The following GPR39 variants were observed in gnomAD, a reference collection of about 807,000 sequenced individuals.
The protein encoded by GPR39 is zinc sensing receptor.
A neutral mutation model predicts 18.4 loss-of-function variants in GPR39; 23 were observed. The observed-to-expected ratio is 1.25, with a 90% confidence interval of 0.90 to 1.77. GPR39 has a LOEUF of 1.77. GPR39 is among the 40% of genes most tolerant of loss of function. The pLI, the probability that GPR39 is intolerant of heterozygous loss-of-function variation, is 0.00. For synonymous variants in GPR39, 280 were observed against 257.9 expected (o/e 1.09, Z -0.82); for missense variants, 647 against 602.4 (o/e 1.07, Z -0.78).
intron 1 of GPR39, among the ~76,000 whole-genome samples, chr2:132,436,980 A>C (rs1680335476): frequency 6.6e-6 from 1 of 152,240 alleles, no homozygotes; most frequent in Non-Finnish European, 1.5e-5. Context: ...AGGCAGGTGC[A>C]GTTAATTATC....
At chr2:132,529,087 CA>C (rs767169276) in intron 1 of GPR39, among the ~76,000 whole-genome samples, 3 of 152,144 alleles carry the variant, frequency 2.0e-5, no homozygotes, top group Non-Finnish European at 2.9e-5. Context: ...CACAAGGGGT[CA>C]GGGAATTCCC....
chr2:132,578,895 ATGT>A (rs1172069980), intron 1 of GPR39, among the ~76,000 whole-genome samples: 1 of 152,084 alleles, frequency 6.6e-6, no homozygotes, highest in African/African-American at 2.4e-5. Context: ...CTTGCTAGAA[ATGT>A]TTCAAGTTCA....
intron 1 of GPR39, among the ~76,000 whole-genome samples, chr2:132,520,473 T>C (rs1295285622): frequency 6.6e-6 from 1 of 152,204 alleles, no homozygotes; most frequent in African/African-American, 2.4e-5. Context: ...GAACTGCCTT[T>C]CCTCTCTGTT....
intron 1 of GPR39, among the ~76,000 whole-genome samples, chr2:132,618,679 C>G (rs1177558487): frequency 6.6e-6 from 1 of 152,188 alleles, no homozygotes; most frequent in Non-Finnish European, 1.5e-5. Flanking sequence ...GCAGAGCCCC[C>G]TTCCCACATA....
At chr2:132,500,611 T>C (rs1341380906) in intron 1 of GPR39, among the ~76,000 whole-genome samples, 1 of 152,154 alleles carries the variant, frequency 6.6e-6, no homozygotes, top group Non-Finnish European at 1.5e-5. Context: ...TTAGGGAGGA[T>C]TCCCTTTTTC....
At chr2:132,638,463 A>G (rs1374450420) in intron 1 of GPR39, among the ~76,000 whole-genome samples, 5 of 152,314 alleles carry the variant, frequency 3.3e-5, no homozygotes, top group Admixed American at 2.6e-4. Flanking sequence ...TCTCTGATTC[A>G]GGAGATCTGG....
At chr2:132,571,965 C>T (rs961473209) in intron 1 of GPR39, among the ~76,000 whole-genome samples, 7 of 152,114 alleles carry the variant, frequency 4.6e-5, no homozygotes, top group African/African-American at 1.7e-4. Context: ...GTTTCTATGA[C>T]CTCAGCCTGG....
At chr2:132,529,359 C>T (rs1679570012) in intron 1 of GPR39, among the ~76,000 whole-genome samples, 1 of 152,226 alleles carries the variant, frequency 6.6e-6, no homozygotes, top group Admixed American at 6.5e-5. Flanking sequence ...GGCCAGGAAG[C>T]TCGAACTGGG....
At chr2:132,535,330 T>C in intron 1 of GPR39, among the ~76,000 whole-genome samples, 1 of 152,182 alleles carries the variant, frequency 6.6e-6, no homozygotes, top group Non-Finnish European at 1.5e-5. Flanking sequence ...AATCATGTGG[T>C]TTTTGTGTTT....
rs55722602 is a variant in GPR39 at position 132,633,338 on chromosome 2, C to CTGTGTGTGTG, written c.857-11727_857-11718dup. The stretch of plus-strand genomic sequence containing the variant: ...CCTTATCTTTAAACTCCAAATACCT[C>CTGTGTGTGTG]TGTGTGTGTGTGTGTGTGTGTGTGT... On this transcript the variant is annotated intron_variant, in intron 1 of 1. Coordinates refer to ENST00000329321, the MANE Select transcript of GPR39 (RefSeq NM_001508.3). 6.2e-4 allele frequency among the ~76,000 whole-genome samples: 86 copies of CTGTGTGTGTG among 139,196 alleles called. 2 individuals carry two copies. Among genetic ancestry groups the CTGTGTGTGTG allele is most frequent in the African/African-American group, 2.0e-3 (74 of 36,546 alleles). The allele number at this position is 139,196 out of a possible 152,430, so 91.3% of individuals were successfully genotyped here. A position where few individuals can be genotyped will look rare whatever the true frequency, so the allele number is the denominator to read the frequency against.
intron 1 of GPR39, 122 bp from the exon 2 acceptor site, chr2:132,644,979 C>A: frequency 8.7e-7 from 1 of 1,144,030 alleles, no homozygotes; most frequent in Non-Finnish European, 1.2e-6. Context: ...AAATTGGTAC[C>A]ATTTCCTGGC....
chr2:132,622,514 G>C (rs1292124936), intron 1 of GPR39, among the ~76,000 whole-genome samples: 1 of 152,216 alleles, frequency 6.6e-6, no homozygotes, highest in African/African-American at 2.4e-5. Flanking sequence ...TGAGGCAGTT[G>C]GGTTACAGTT....
At chr2:132,471,917 C>T (rs888640448) in intron 1 of GPR39, among the ~76,000 whole-genome samples, 43 of 152,216 alleles carry the variant, frequency 2.8e-4, no homozygotes, top group Admixed American at 2.4e-3. Context: ...TACCCAAGTC[C>T]GCAATGTGTA....
chr2:132,530,918 A>T (rs886635723), intron 1 of GPR39, among the ~76,000 whole-genome samples: 2 of 152,218 alleles, frequency 1.3e-5, no homozygotes, highest in Non-Finnish European at 2.9e-5. Flanking sequence ...TGTAAAGACC[A>T]TCAAGGCTAG....
intron 1 of GPR39, among the ~76,000 whole-genome samples, chr2:132,511,954 A>G (rs148019214): frequency 3.3e-5 from 5 of 152,230 alleles, no homozygotes; most frequent in African/African-American, 9.6e-5. Context: ...TTGACTTCTC[A>G]TAATACTTGG....
intron 1 of GPR39, among the ~76,000 whole-genome samples, chr2:132,560,569 T>G (rs1680233669): frequency 6.6e-6 from 1 of 152,222 alleles, no homozygotes; most frequent in South Asian, 2.1e-4. Flanking sequence ...GCCTTCCGAT[T>G]TCCCAGTCCA....
Position 132,534,103 on chromosome 2 carries a change from G to A in GPR39, c.857-110998G>A, listed in dbSNP as rs188950363. 2.8e-3 allele frequency among the ~76,000 whole-genome samples: 430 copies of A among 152,134 alleles called. 1 individual carries two copies. The highest frequency in any genetic ancestry group is 1.0e-2 in the African/African-American group (413 of 41,492). On this transcript the variant is annotated intron_variant, in intron 1 of 1. Coordinates refer to ENST00000329321, the MANE Select transcript of GPR39 (RefSeq NM_001508.3). ...TTTGCAACCTACTCATCTGACAAAG[G>A]GCTAATATGCAGAATCTATAATGAA...
At chr2:132,423,171 C>G (rs1001988638) in intron 1 of GPR39, among the ~76,000 whole-genome samples, 41 of 152,068 alleles carry the variant, frequency 2.7e-4, no homozygotes, top group African/African-American at 9.9e-4. Context: ...TCAACTGACT[C>G]TCCACCTCTA....
rs1373448944 is a variant in GPR39, at chr2:132,417,569, C to T, written c.527C>T (p.Thr176Ile). 1.9e-6 allele frequency: 3 copies of T among 1,614,124 alleles called. No homozygotes were observed. Among genetic ancestry groups the T allele is most frequent in the Non-Finnish European group, 2.5e-6 (3 of 1,180,032 alleles). ...VALPLLFAMG[T>I]EYPLVNVPSH... ...CTGCCCTTGCTGTTTGCCATGGGTA[C>T]TGAGTACCCCCTGGTGAACGTGCCC... Residue 176 changes from threonine (T) to isoleucine (I), a missense_variant, in exon 1 of 2, where the codon ACT becomes ATT. Thr to Ile is a moderately conservative substitution (Grantham distance 89). This residue lies in a region of GPR39 where 581 missense variants were observed against 506.8 expected (regional missense o/e 1.15). Coordinates refer to ENST00000329321, the MANE Select transcript of GPR39 (RefSeq NM_001508.3).
Sources: allele counts gnomAD v4.1 joint callset (sites outside exome capture counted in the v4.1 genomes callset), GRCh38; gene constraint gnomAD v4.1.1; regional missense constraint gnomAD v4.1.1; transcripts MANE v1.5; gene names NCBI Gene and HGNC (gene_info 2026-07-23, HGNC 2026-07-21).